Variants in UACA observed in about 807,000 individuals in gnomAD.
UACA encodes nuclear membrane binding protein.
In UACA, 112 loss-of-function variants were observed where a neutral mutation model predicts 160.5. That is an observed-to-expected ratio of 0.70 (90% CI 0.60 to 0.82). UACA has a LOEUF of 0.82. UACA is among the 40% of genes least tolerant of loss of function. The pLI is 0.00. For missense variants in UACA, 1,574 were observed against 1,614.6 expected (o/e 0.97, Z 0.43); for synonymous variants, 557 against 568.4 (o/e 0.98, Z 0.29).
chr15:70,667,963 T>G lies in UACA; in HGVS notation c.2721A>C (p.Leu907Phe), dbSNP rs1465299577. Residue 907 changes from leucine (L) to phenylalanine (F), a missense_variant, in exon 16 of 19, where the codon TTA becomes TTC. By Grantham distance (22) the Leu-to-Phe change is conservative. Transcript: ENST00000322954. Reference sequence around the variant, plus strand: ...TCTGAGTGTTTTCCAGGTTTCTTTTTAATATTTCATTCTTATCTTTTATTT... The same window carrying G: ...TCTGAGTGTTTTCCAGGTTTCTTTTGAATATTTCATTCTTATCTTTTATTT... ...FVKIKDKNEI[L>F]KRNLENTQNQ... is the part of the protein sequence containing the mutation. The G allele has an allele frequency of 6.2e-7, 1 of 1,606,370 alleles. No homozygotes were observed. The highest frequency in any genetic ancestry group is 1.3e-5 in the African/African-American group (1 of 74,398).
chr15:70,774,755 T>C, the UACA span, among the ~76,000 whole-genome samples: 1 of 152,070 alleles, frequency 6.6e-6, no homozygotes, highest in South Asian at 2.1e-4. Flanking sequence ...AATGATTCAC[T>C]ATTGAAAGTT....
At chr15:70,745,024 A>G (rs952292732) in intron 1 of UACA, among the ~76,000 whole-genome samples, 3 of 152,218 alleles carry the variant, frequency 2.0e-5, no homozygotes, top group African/African-American at 4.8e-5. Context: ...GCTCTACTCT[A>G]TAATAAAAAT....
At chr15:70,693,591 AAGAC>A (rs1330583538) in intron 3 of UACA, among the ~76,000 whole-genome samples, 2 of 152,100 alleles carry the variant, frequency 1.3e-5, no homozygotes, top group African/African-American at 4.8e-5. Context: ...GCAAAAACAA[AAGAC>A]AGAAGAGTTA....
chr15:70,758,302 T>G (rs2030548371), intron 1 of UACA: 1 of 152,178 alleles, frequency 6.6e-6, no homozygotes. Context: ...GTAATCCTCC[T>G]TCAAGAAGCA....
At chr15:70,669,592 T>G in intron 15 of UACA, 130 bp from the exon 16 acceptor site, 3 of 680,502 alleles carry the variant, frequency 4.4e-6, no homozygotes, top group Non-Finnish European at 6.9e-6. Flanking sequence ...GGCAGTAAGA[T>G]GGAAAAAAAA....
chr15:70,718,028 T>TACACAC (rs140483075), intron 1 of UACA, among the ~76,000 whole-genome samples: 15,364 of 142,516 alleles, frequency 0.11, 1,489 homozygotes, highest in African/African-American at 0.26. Context: ...AATTTCTTTA[T>TACACAC]ACACACACAC....
chr15:70,752,799 A>G (rs1405680881), intron 1 of UACA, among the ~76,000 whole-genome samples: 1 of 152,230 alleles, frequency 6.6e-6, no homozygotes, highest in African/African-American at 2.4e-5. Flanking sequence ...ACACCCCTCC[A>G]AATAAAACCA....
the UACA span, among the ~76,000 whole-genome samples, chr15:70,770,738 A>G: frequency 6.6e-6 from 1 of 152,248 alleles, no homozygotes; most frequent in African/African-American, 2.4e-5. Flanking sequence ...AGATCAAGAC[A>G]TCGCATTTTA....
rs550285923 is a variant in UACA, at chr15:70,667,101, G to A, written c.3583C>T (p.Gln1195Ter). The A allele has an allele frequency of 3.7e-6, 6 of 1,612,502 alleles. No individual in the cohort carries two copies. The highest frequency in any genetic ancestry group is 1.3e-5 in the African/African-American group (1 of 74,788). ...ASLREKEEES[Q>*]NKMEEVSKLQ... ...TTGGAGACTTCTTCCATTTTGTTTT[G>A]GCTTTCTTCTTCCTTTTCTCTCAAG... The change falls in exon 16 of 19, where the codon CAA becomes TAA. Residue 1195 changes from glutamine (Q) to a stop codon, truncating the protein, a stop_gained. Transcript: ENST00000322954. LOFTEE classifies it high-confidence loss of function.
In UACA at chr15:70,695,008, C is replaced by T; in HGVS notation, c.301+9G>A. On this transcript the variant is annotated intron_variant, in intron 3 of 18. Coordinates refer to ENST00000322954, the MANE Select transcript of UACA (RefSeq NM_018003.4). Reference sequence around the variant, plus strand: ...TATGTTTTATAATTAACTATGGAGGCAAACATACCTGCAGTGTCACTGGTT... The same window carrying T: ...TATGTTTTATAATTAACTATGGAGGTAAACATACCTGCAGTGTCACTGGTT... The T allele has an allele frequency of 1.9e-6, 3 of 1,596,906 alleles. No homozygotes were observed. The highest frequency in any genetic ancestry group is 1.7e-4 in the Middle Eastern group (1 of 6,034).
At chr15:70,687,519 G>A in intron 7 of UACA, 21 bp downstream of exon 7, 1 of 1,609,402 alleles carries the variant, frequency 6.2e-7, no homozygotes, top group Non-Finnish European at 8.5e-7. Context: ...TGGTATCTGG[G>A]AGCCATGATA....
At chr15:70,728,495 G>A (rs564619599) in intron 1 of UACA, among the ~76,000 whole-genome samples, 5 of 151,264 alleles carry the variant, frequency 3.3e-5, no homozygotes, top group East Asian at 3.9e-4. Context: ...CCCAGGAGGC[G>A]GAGGTTGCGG....
rs1235019364 is a variant in UACA, at chr15:70,682,760, G to T, written c.820C>A (p.Gln274Lys). 1 of 1,555,378 alleles carries T rather than the reference G, an allele frequency of 6.4e-7. No individual in the cohort carries two copies. Among genetic ancestry groups the T allele is most frequent in the Admixed American group, 1.9e-5 (1 of 53,328 alleles). The change falls in exon 9 of 19, where the codon CAG (glutamine) becomes AAG (lysine). Residue 274 changes from glutamine (Q) to lysine (K), a missense_variant and splice_region_variant. Gln to Lys is a moderately conservative substitution (Grantham distance 53). Coordinates refer to ENST00000322954, the MANE Select transcript of UACA (RefSeq NM_018003.4). Reference sequence around the variant, plus strand: ...TTAAAATTAAAATTAATATCTACCTGTTGCAAAGATGGCCCTTTCTTCCAA... The same window carrying T: ...TTAAAATTAAAATTAATATCTACCTTTTGCAAAGATGGCCCTTTCTTCCAA... ...ELWKKGPSLQ[Q>K]RNLTHMQDEV...
intron 1 of UACA, among the ~76,000 whole-genome samples, chr15:70,726,956 T>G (rs937080112): frequency 2.0e-5 from 3 of 152,192 alleles, no homozygotes; most frequent in Non-Finnish European, 4.4e-5. Context: ...ATGTGGCCAG[T>G]GCTCAGCCAT....
Position 70,676,501 on chromosome 15 carries a change from AT to A in UACA, c.1122del (p.Lys374AsnfsTer8). On this transcript the variant is annotated frameshift_variant, in exon 13 of 19. Coordinates refer to ENST00000322954, the MANE Select transcript of UACA (RefSeq NM_018003.4). LOFTEE classifies it high-confidence loss of function. ...RTIEALKNRF[K>X]YFESDHLGSG... is the part of the protein sequence containing the mutation. ...ATTTATCCTTTCTATACCTCAAAAT[AT>A]TTAAATCTATTTTTCAGAGCCTCAA... 1.2e-6 allele frequency: 2 copies of A among 1,607,218 alleles called. No homozygotes were observed. Among genetic ancestry groups the A allele is most frequent in the Non-Finnish European group, 1.7e-6 (2 of 1,175,406 alleles).
At chr15:70,657,236 G>T in intron 18 of UACA, 109 bp from the exon 19 acceptor site, 1 of 825,418 alleles carries the variant, frequency 1.2e-6, no homozygotes, top group Non-Finnish European at 2.0e-6. Flanking sequence ...TTCATCAAAT[G>T]CTAAATCCTC....
upstream of UACA, among the ~76,000 whole-genome samples, chr15:70,766,870 A>G (rs892785728): frequency 6.6e-6 from 1 of 152,242 alleles, no homozygotes; most frequent in African/African-American, 2.4e-5. Flanking sequence ...CACAGTCGAC[A>G]GATGCTCACT....
rs377680103 is a variant in UACA, at chr15:70,699,566, C to T, written c.173G>A (p.Gly58Glu). 1.2e-6 allele frequency: 2 copies of T among 1,610,592 alleles called. No individual in the cohort carries two copies. Among genetic ancestry groups the T allele is most frequent in the Non-Finnish European group, 1.7e-6 (2 of 1,179,150 alleles). Reference protein sequence around the residue: ...EKVTSILAKKGVNPGKLDVEG... With the variant: ...EKVTSILAKKEVNPGKLDVEG... ...CACATCTAGTTTGCCTGGATTGACCCCCTTTTTAGCAAGGATTGAGGTCAC... is the reference window on the plus strand; with the variant it reads ...CACATCTAGTTTGCCTGGATTGACCTCCTTTTTAGCAAGGATTGAGGTCAC... Residue 58 changes from glycine to glutamate, a missense_variant, in exon 2 of 19, where the codon GGG (glycine) becomes GAG (glutamate). Coordinates refer to ENST00000322954, the MANE Select transcript of UACA (RefSeq NM_018003.4).
At chr15:70,767,011 C>T (rs1030306162), upstream of UACA, among the ~76,000 whole-genome samples, 2 of 150,978 alleles carry the variant, frequency 1.3e-5, no homozygotes, top group African/African-American at 2.4e-5. Context: ...AAGGCCGAGG[C>T]GGGTGGATCA....
Sources: allele counts gnomAD v4.1 joint callset (sites outside exome capture counted in the v4.1 genomes callset), GRCh38; gene constraint gnomAD v4.1.1; transcripts MANE v1.5; gene names NCBI Gene and HGNC (gene_info 2026-07-23, HGNC 2026-07-21).